KSR2: variants seen among roughly 807,000 people sequenced by gnomAD.
KSR2 encodes kinase suppressor of ras 2.
KSR2 carries 25 observed loss-of-function variants against 107.8 expected under a neutral mutation model. The ratio of observed to expected loss-of-function variants is 0.23; its 90% CI spans 0.17 to 0.32. The LOEUF (loss-of-function observed/expected upper bound fraction) is 0.32. Ranked by LOEUF, KSR2 falls within the 10% of genes least tolerant of loss-of-function variation. KSR2 has a pLI of 1.00. For synonymous variants in KSR2, 480 were observed against 507.0 expected (o/e 0.95, Z 0.71); for missense variants, 887 against 1,268.9 (o/e 0.70, Z 4.57).
At chr12:117,705,785 C>T (rs1886501536) in intron 4 of KSR2, among the ~76,000 whole-genome samples, 1 of 152,174 alleles carries the variant, frequency 6.6e-6, no homozygotes, top group Non-Finnish European at 1.5e-5. Flanking sequence ...GAATGCTCCC[C>T]TCTTTGGGAA....
At chr12:117,538,099 C>T (rs569062055) in intron 10 of KSR2, among the ~76,000 whole-genome samples, 5 of 83,060 alleles carry the variant, frequency 6.0e-5, no homozygotes, top group South Asian at 3.4e-4. Context: ...GGAAGTCTAA[C>T]GGTCTTTTTT....
chr12:117,523,926 C>G (rs1874936356), intron 14 of KSR2, among the ~76,000 whole-genome samples: 1 of 151,016 alleles, frequency 6.6e-6, no homozygotes, highest in Non-Finnish European at 1.5e-5. Context: ...GAGCCGAGAT[C>G]ACACCATTGC....
intron 4 of KSR2, among the ~76,000 whole-genome samples, chr12:117,681,891 C>T (rs1885378384): frequency 6.6e-6 from 1 of 152,096 alleles, no homozygotes; most frequent in African/African-American, 2.4e-5. Context: ...CCAGAAGTAC[C>T]ATTTGAACTA....
chr12:117,696,880 C>T (rs758138364), intron 4 of KSR2, among the ~76,000 whole-genome samples: 15 of 152,096 alleles, frequency 9.9e-5, no homozygotes, highest in Non-Finnish European at 1.6e-4. Flanking sequence ...CTCCCTGGGT[C>T]GCTGGGAGGG....
At chr12:117,951,042 G>A (rs367616197) in intron 1 of KSR2, among the ~76,000 whole-genome samples, 2 of 151,954 alleles carry the variant, frequency 1.3e-5, no homozygotes, top group East Asian at 1.9e-4. Context: ...CAAGTAGCTG[G>A]GACTACAGGC....
intron 4 of KSR2, among the ~76,000 whole-genome samples, chr12:117,693,411 A>G (rs1223618131): frequency 6.6e-6 from 1 of 152,340 alleles, no homozygotes; most frequent in East Asian, 1.9e-4. Flanking sequence ...GATTGTGCTG[A>G]CTTGGTAGAA....
rs572226481 is a variant in KSR2 at position 117,752,486 on chromosome 12, G to T, written c.986+8525C>A. The stretch of plus-strand genomic sequence containing the variant: ...GTGTGGTTCCAATAATGAAGAAAGG[G>T]AACTAGATATATTTCATATATGCCT... On this transcript the variant is annotated intron_variant, in intron 4 of 19. Coordinates refer to ENST00000339824, the MANE Select transcript of KSR2 (RefSeq NM_173598.6). Among the ~76,000 whole-genome samples, 5 of 152,206 alleles carry T rather than the reference G, an allele frequency of 3.3e-5. No homozygotes were observed. The South Asian group carries it at 1.0e-3, about 32-fold the overall frequency.
chr12:117,545,945 C>T (rs1876837462), intron 9 of KSR2, among the ~76,000 whole-genome samples: 2 of 152,014 alleles, frequency 1.3e-5, no homozygotes, highest in Admixed American at 1.3e-4. Context: ...TAAATATTTC[C>T]CGTACATATA....
chr12:117,864,629 T>C (rs557809025), intron 1 of KSR2, among the ~76,000 whole-genome samples: 15 of 152,302 alleles, frequency 9.8e-5, no homozygotes, highest in African/African-American at 3.6e-4. Context: ...AATCAAGGTG[T>C]CGGTGAGGCC....
chr12:117,827,179 C>T (rs187109467), intron 3 of KSR2, among the ~76,000 whole-genome samples: 226 of 152,238 alleles, frequency 1.5e-3, no homozygotes, highest in Non-Finnish European at 2.7e-3. Context: ...ATGAAGTCTG[C>T]CTTTTTGAAA....
At chr12:117,743,572 A>C (rs1194424988) in intron 4 of KSR2, among the ~76,000 whole-genome samples, 2 of 152,246 alleles carry the variant, frequency 1.3e-5, no homozygotes, top group African/African-American at 4.8e-5. Flanking sequence ...AGTGCAGTAA[A>C]GCTTCAACAA....
At position 117,490,176 on chromosome 12, in the gene KSR2, C is replaced by T. The variant is rs60379630; in HGVS notation, c.2220-4485G>A. Among the ~76,000 whole-genome samples, 1,416 of 152,266 alleles carry T rather than the reference C, an allele frequency of 9.3e-3. 24 individuals are homozygous for T. Among genetic ancestry groups the T allele is most frequent in the South Asian group, 0.03 (145 of 4,824 alleles). On this transcript the variant is annotated intron_variant, in intron 14 of 19. Transcript: ENST00000339824. ...CCGATCTTCTTCCTATCTTCTCCTC[C>T]ACTGTGTGGGTGCCCAGTTATCAGA...
chr12:117,574,928 G>C (rs1375279313), intron 7 of KSR2, among the ~76,000 whole-genome samples: 1 of 151,126 alleles, frequency 6.6e-6, no homozygotes, highest in Non-Finnish European at 1.5e-5. Flanking sequence ...TCCCTCCAGG[G>C]AAGGATCAAA....
At chr12:117,703,329 G>A (rs1435705963) in intron 4 of KSR2, among the ~76,000 whole-genome samples, 1 of 152,142 alleles carries the variant, frequency 6.6e-6, no homozygotes, top group Non-Finnish European at 1.5e-5. Flanking sequence ...GTAGGGTAAG[G>A]TGCATGAGGT....
rs2137091235 is a variant in KSR2 at position 117,458,728 on chromosome 12, A to AT, written c.*8470dup. The stretch of plus-strand genomic sequence containing the variant: ...GGTACTCTCAGCCACCGAGCTGGTG[A>AT]TTAGAGGTATTTCAAGAGCTCAGGA... On this transcript the variant is annotated 3_prime_UTR_variant, in exon 20 of 20. Transcript: ENST00000339824. The AT allele has an allele frequency of 6.6e-6, 1 of 152,304 alleles. No homozygotes were observed. Among genetic ancestry groups the AT allele is most frequent in the East Asian group, 1.9e-4 (1 of 5,166 alleles). The allele number at this position is 152,304 out of a possible 1,614,324, so 9.4% of individuals were successfully genotyped here.
chr12:117,718,101 T>C (rs1024467328), intron 4 of KSR2, among the ~76,000 whole-genome samples: 1 of 152,206 alleles, frequency 6.6e-6, no homozygotes, highest in African/African-American at 2.4e-5. Flanking sequence ...TAAGTTGAGA[T>C]TTAAACACTT....
intron 3 of KSR2, among the ~76,000 whole-genome samples, chr12:117,789,479 G>T (rs1350590644): frequency 1.3e-5 from 2 of 152,194 alleles, no homozygotes; most frequent in Non-Finnish European, 2.9e-5. Flanking sequence ...TTACTAGGCA[G>T]CTACCACGAT....
At chr12:117,853,153 A>C (rs1892983621) in intron 3 of KSR2, among the ~76,000 whole-genome samples, 1 of 152,162 alleles carries the variant, frequency 6.6e-6, no homozygotes, top group African/African-American at 2.4e-5. Context: ...AATTCACTGT[A>C]AAGAAATAGC....
chr12:117,812,772 T>A lies in KSR2; in HGVS notation c.472+42656A>T, dbSNP rs1227765050. Among the ~76,000 whole-genome samples the A allele has an allele frequency of 2.6e-4, 37 of 140,924 alleles. 1 individual carries two copies. The highest frequency in any genetic ancestry group is 1.9e-3 in the Admixed American group (26 of 13,450). The allele number at this position is 140,924 out of a possible 152,430, so 92.5% of individuals were successfully genotyped here. A position where few individuals can be genotyped will look rare whatever the true frequency, so the allele number is the denominator to read the frequency against. On this transcript the variant is annotated intron_variant, in intron 3 of 19. Transcript: ENST00000339824. ...AATGCAATCTCTATTAAAATACCAA[T>A]AACATTCTTCTCACATAAATAAAAA...
Sources: gnomAD v4.1 joint callset for allele counts (sites outside exome capture counted in the v4.1 genomes callset) on GRCh38, gnomAD v4.1.1 for gene constraint, MANE v1.5 for transcripts, NCBI Gene and HGNC (gene_info 2026-07-23, HGNC 2026-07-21) for gene names.